The following PRPF40B variants were observed in gnomAD, a reference collection of about 807,000 sequenced individuals.
PRPF40B encodes pre-mRNA-processing factor 40 homolog B.
In PRPF40B, 56 loss-of-function variants were observed where a neutral mutation model predicts 124.5. The observed-to-expected ratio is 0.45, with a 90% CI of 0.36 to 0.56. The LOEUF is 0.56. PRPF40B is among the 20% of genes least tolerant of loss of function. The pLI, the probability that PRPF40B is intolerant of heterozygous loss-of-function variation, is 0.00. For synonymous variants in PRPF40B, 443 were observed against 426.4 expected, an observed-to-expected ratio of 1.04 and a Z score of -0.48; for missense variants, 1,053 against 1,169.5, an observed-to-expected ratio of 0.90 and a Z score of 1.45.
intron 1 of PRPF40B, among the ~76,000 whole-genome samples, chr12:49,628,627 TG>T (rs1940946844): frequency 6.7e-6 from 1 of 148,260 alleles, no homozygotes; most frequent in South Asian, 2.1e-4. Flanking sequence ...TGGAGTGCAG[TG>T]GCGCCTCGGC....
chr12:49,635,385 G>A lies in PRPF40B; in HGVS notation c.1187G>A (p.Gly396Glu), dbSNP rs986132040. The change falls in exon 14 of 26, where the codon GGG becomes GAG. Residue 396 changes from glycine to glutamate, a missense_variant. Gly to Glu is a moderately conservative substitution (Grantham distance 98, BLOSUM62 -2). This residue lies in a region of PRPF40B where 895 missense variants were observed against 1,052.2 expected (regional missense o/e 0.85). Coordinates refer to ENST00000548825, the MANE Select transcript of PRPF40B (RefSeq NM_001031698.3). The surrounding 1 kb of genome is among the most constrained non-coding windows in gnomAD (Gnocchi z 4.1). ...TRYRRAEQTF[G>E]ELEVWAVVPE... ...CACAGGCGGGCAGAACAGACCTTTGGGGAGCTGGAGGTCTGGGCTGTGGTC... is the reference window on the plus strand; with the variant it reads ...CACAGGCGGGCAGAACAGACCTTTGAGGAGCTGGAGGTCTGGGCTGTGGTC... 3.1e-6 allele frequency: 5 copies of A among 1,613,888 alleles called. No individual in the cohort carries two copies. In the African/African-American group the frequency reaches 5.3e-5, roughly 17 times the overall value.
At chr12:49,634,880 C>G (rs1941604137) in intron 12 of PRPF40B, 2 of 645,814 alleles carry the variant, frequency 3.1e-6, no homozygotes, top group South Asian at 4.1e-5. Flanking sequence ...CTTGAGAACC[C>G]CAAAGGAAAA....
rs770134946 is a variant in PRPF40B at position 49,644,211 on chromosome 12, G to T, written c.*19G>T. 5 of 1,613,652 alleles carry T rather than the reference G, an allele frequency of 3.1e-6. No homozygotes were observed. The highest frequency in any genetic ancestry group is 4.2e-6 in the Non-Finnish European group (5 of 1,179,868). The stretch of plus-strand genomic sequence containing the variant: ...CCAGTGACCCAATGAGCTGTTCTCT[G>T]CCTCGGGTCTGTGTGAGGCCATGGC... On this transcript the variant is annotated 3_prime_UTR_variant, in exon 26 of 26. Transcript: ENST00000548825.
intron 1 of PRPF40B, 144 bp downstream of exon 1, chr12:49,623,737 A>C: frequency 1.3e-6 from 1 of 766,542 alleles, no homozygotes; most frequent in South Asian, 6.3e-5. Flanking sequence ...GTGAGGGAAG[A>C]GAGCCCGGGA....
chr12:49,632,512 GCCTGCTT>G lies in PRPF40B; in HGVS notation c.295-82_295-76del, dbSNP rs1236540201. 6 of 1,411,822 alleles carry G rather than the reference GCCTGCTT, an allele frequency of 4.2e-6. No individual in the cohort carries two copies. The Admixed American group carries it at 1.0e-4, about 24-fold the overall frequency. The allele number at this position is 1,411,822 out of a possible 1,614,324, so 87.5% of individuals were successfully genotyped here. On this transcript the variant is annotated intron_variant, in intron 4 of 25. Coordinates refer to ENST00000548825, the MANE Select transcript of PRPF40B (RefSeq NM_001031698.3). ...AGCAGGACACATGGATTCTGGCCTG[GCCTGCTT>G]CTCCATCCCCCATGGCCTGGGTCCT... is the stretch of plus-strand genomic sequence containing the variant.
chr12:49,637,142 C>T, intron 16 of PRPF40B: 3 of 574,878 alleles, frequency 5.2e-6, no homozygotes, highest in Non-Finnish European at 9.3e-6. Context: ...GGTGGGGCAC[C>T]CGACAGGCAG....
chr12:49,635,620 C>A lies in PRPF40B; in HGVS notation c.1275+147C>A. 2 of 922,596 alleles carry A rather than the reference C, an allele frequency of 2.2e-6. No homozygotes were observed. Among genetic ancestry groups the A allele is most frequent in the Non-Finnish European group, 3.2e-6 (2 of 619,424 alleles). 57.2% of individuals were successfully genotyped at this position (922,596 alleles called of 1,614,324 possible). A position where few individuals can be genotyped will look rare whatever the true frequency, so the allele number is the denominator to read the frequency against. On this transcript the variant is annotated intron_variant, in intron 14 of 25. Coordinates refer to ENST00000548825, the MANE Select transcript of PRPF40B (RefSeq NM_001031698.3). The surrounding 1 kb of genome is among the most constrained non-coding windows in gnomAD (Gnocchi z 4.1). ...AAGCTGGTATGGGACTTGCACATCT[C>A]ATTTCTGCTCTGGGCCTATAGTCCT...
intron 18 of PRPF40B, chr12:49,641,592 G>T: frequency 2.9e-6 from 1 of 346,998 alleles, no homozygotes; most frequent in Non-Finnish European, 5.3e-6. Flanking sequence ...CTGAGCAGCA[G>T]GAGGGCCCAG....
chr12:49,641,616 T>A (rs1319582864), intron 18 of PRPF40B: 1 of 394,756 alleles, frequency 2.5e-6, no homozygotes, highest in African/African-American at 2.0e-5. Flanking sequence ...GGGCCAGAGC[T>A]TTAAGCCAAA....
chr12:49,627,263 T>C (rs1009358609), intron 1 of PRPF40B, among the ~76,000 whole-genome samples: 2 of 152,222 alleles, frequency 1.3e-5, no homozygotes, highest in African/African-American at 2.4e-5. Flanking sequence ...CAGGATATTA[T>C]AATTTAATTG....
At position 49,642,551 on chromosome 12, in the gene PRPF40B, T is replaced by C. The variant is rs1942815783; in HGVS notation, c.2023-29T>C. 1 of 1,611,972 alleles carries C rather than the reference T, an allele frequency of 6.2e-7. No individual in the cohort carries two copies. The highest frequency in any genetic ancestry group is 8.5e-7 in the Non-Finnish European group (1 of 1,178,084). On this transcript the variant is annotated intron_variant, in intron 20 of 25. Transcript: ENST00000548825. This position sits in a 1 kb window ranked among gnomAD's most constrained non-coding sequence, Gnocchi z 5.8. Reference sequence around the variant, plus strand: ...CCAGGCCAGGCTGAGTGGGGCCTAGTCTGATCAGCAGTGCTCTCCTCGTTC... The same window carrying C: ...CCAGGCCAGGCTGAGTGGGGCCTAGCCTGATCAGCAGTGCTCTCCTCGTTC...
At chr12:49,630,172 A>G (rs1941083059) in intron 1 of PRPF40B, among the ~76,000 whole-genome samples, 1 of 152,242 alleles carries the variant, frequency 6.6e-6, no homozygotes. Flanking sequence ...AGAGACCTCT[A>G]ACTTATTTGA....
In PRPF40B at chr12:49,643,933, G is replaced by A. The variant is rs752705577; in HGVS notation, c.2515G>A (p.Asp839Asn). The change falls in exon 25 of 26, where the codon GAC becomes AAC. Residue 839 changes from aspartate (D) to asparagine (N), a missense_variant. Physicochemically the swap from Asp to Asn is conservative, Grantham distance 23. Around this residue, in one of 2 missense-constraint regions of PRPF40B, gnomAD observed 895 missense variants for 1,052.2 expected, o/e 0.85. Transcript: ENST00000548825. ...GAGCGATGAGAAAGAACAAGAACAG[G>A]ACAAGGACAGGGAGCTCCAACAGGC... ...KESDEKEQEQ[D>N]KDRELQQAEL... is the part of the protein sequence containing the mutation. 8.7e-6 allele frequency: 14 copies of A among 1,614,234 alleles called. No homozygotes were observed. The highest frequency in any genetic ancestry group is 1.6e-4 in the Middle Eastern group (1 of 6,062).
Position 49,643,209 on chromosome 12 carries a change from G to A in PRPF40B, c.2206-14G>A. The A allele has an allele frequency of 6.2e-7, 1 of 1,613,802 alleles. No homozygotes were observed. Among genetic ancestry groups the A allele is most frequent in the Non-Finnish European group, 8.5e-7 (1 of 1,179,930 alleles). ...AGAACCTCTGCACTGACATGTATCT[G>A]CTGATCTGCCCAGGGCTCTGAGTCA... On this transcript the variant is annotated splice_polypyrimidine_tract_variant and intron_variant, in intron 22 of 25. Coordinates refer to ENST00000548825, the MANE Select transcript of PRPF40B (RefSeq NM_001031698.3).
In PRPF40B at chr12:49,633,052, C is replaced by T. The variant is rs771249704; in HGVS notation, c.387C>T (p.Arg129=). 5.1e-5 allele frequency: 80 copies of T among 1,565,548 alleles called. No homozygotes were observed. The highest frequency in any genetic ancestry group is 6.7e-5 in the Non-Finnish European group (77 of 1,154,342). The change falls in exon 7 of 26, where the codon CGC becomes CGT. Residue 129 remains arginine, a synonymous_variant. Coordinates refer to ENST00000548825, the MANE Select transcript of PRPF40B (RefSeq NM_001031698.3). ...LWSEHVAPDG[R]IYYYNADDKQ... ...GTGAGCATGTGGCCCCAGATGGGCG[C>T]ATCTACTACTACAATGCTGACGACA...
Position 49,644,093 on chromosome 12 carries a change from C to T in PRPF40B, c.2587-7C>T. The T allele has an allele frequency of 6.2e-7, 1 of 1,614,192 alleles. No homozygotes were observed. The highest frequency in any genetic ancestry group is 8.5e-7 in the Non-Finnish European group (1 of 1,180,042). On this transcript the variant is annotated splice_region_variant and splice_polypyrimidine_tract_variant and intron_variant, in intron 25 of 25. Transcript: ENST00000548825. ...GCTAAGGGTGAACTGTGCCTTTGCT[C>T]CAACAGACAGGCTGGGACACGTCAG...
Position 49,644,364 on chromosome 12 carries a change from G to C in PRPF40B, c.*172G>C. On this transcript the variant is annotated 3_prime_UTR_variant, in exon 26 of 26. Coordinates refer to ENST00000548825, the MANE Select transcript of PRPF40B (RefSeq NM_001031698.3). ...TCTCAAGGTTGCTCTTGGTGTTCAA[G>C]GGTCCCCTACTCCCTGGACTAGTGC... 2.7e-6 allele frequency: 2 copies of C among 736,900 alleles called. No homozygotes were observed. Among genetic ancestry groups the C allele is most frequent in the South Asian group, 1.7e-5 (1 of 58,548 alleles). 45.6% of individuals were successfully genotyped at this position (736,900 alleles called of 1,614,324 possible).
Position 49,631,408 on chromosome 12 carries a change from C to A in PRPF40B, c.92C>A (p.Pro31His). 1 of 1,499,580 alleles carries A rather than the reference C, an allele frequency of 6.7e-7. No homozygotes were observed. Among genetic ancestry groups the A allele is most frequent in the Admixed American group, 2.4e-5 (1 of 40,854 alleles). The allele number at this position is 1,499,580 out of a possible 1,614,324, so 92.9% of individuals were successfully genotyped here. A position where few individuals can be genotyped will look rare whatever the true frequency, so the allele number is the denominator to read the frequency against. ...PPMMPPPFMP[P>H]PGIPPPFPPM... Reference sequence around the variant, plus strand: ...TCCTTTACTCATTTCCAGATGCCCCCTCCAGGGATCCCCCCACCCTTTCCT... The same window carrying A: ...TCCTTTACTCATTTCCAGATGCCCCATCCAGGGATCCCCCCACCCTTTCCT... Residue 31 changes from proline (P) to histidine (H), a missense_variant, in exon 3 of 26, where the codon CCT becomes CAT. By Grantham distance (77) the Pro-to-His change is moderately conservative (BLOSUM62 -2). Around this residue, in one of 2 missense-constraint regions of PRPF40B, gnomAD observed 158 missense variants for 117.3 expected, o/e 1.35. Coordinates refer to ENST00000548825, the MANE Select transcript of PRPF40B (RefSeq NM_001031698.3). The surrounding 1 kb of genome is among the most constrained non-coding windows in gnomAD (Gnocchi z 4.3).
chr12:49,623,538 C>A (rs1940388178), upstream of PRPF40B: 2 of 1,244,702 alleles, frequency 1.6e-6, no homozygotes, highest in Admixed American at 4.2e-5. Context: ...CCAATCAGAG[C>A]GGCTCTTACT....
Sources: gnomAD v4.1 joint callset for allele counts (sites outside exome capture counted in the v4.1 genomes callset) on GRCh38, gnomAD v4.1.1 for gene constraint, gnomAD v4.1.1 regional missense constraint, Gnocchi (gnomAD v3.1) non-coding constraint, MANE v1.5 for transcripts, NCBI Gene and HGNC (gene_info 2026-07-23, HGNC 2026-07-21) for gene names.